The following TPST1 variants were observed in gnomAD, a reference collection of about 807,000 sequenced individuals.
TPST1 encodes tyrosylprotein sulfotransferase 1.
A neutral mutation model predicts 34.8 loss-of-function variants in TPST1; 20 were observed. The ratio of observed to expected loss-of-function variants is 0.57; its 90% CI spans 0.40 to 0.84. TPST1 has a LOEUF of 0.84. Among genes scored for constraint, TPST1 ranks in the 40% least tolerant of loss-of-function variants. TPST1 has a pLI of 0.00. For synonymous variants in TPST1, 152 were observed against 159.4 expected (o/e 0.95, Z 0.35); for missense variants, 353 against 455.5 (o/e 0.78, Z 2.05).
At chr7:66,312,906 AGCATGGATCAAAT>A (rs1279541707) in intron 3 of TPST1, among the ~76,000 whole-genome samples, 2 of 152,200 alleles carry the variant, frequency 1.3e-5, no homozygotes, top group Non-Finnish European at 2.9e-5. Flanking sequence ...GTGGAACAAA[AGCATGGATCAAAT>A]GTGTCATTGT....
At chr7:66,320,448 C>T (rs1791731320) in intron 3 of TPST1, among the ~76,000 whole-genome samples, 2 of 151,358 alleles carry the variant, frequency 1.3e-5, no homozygotes, top group Non-Finnish European at 3.0e-5. Context: ...GGGGTTTCAC[C>T]ATGTTAGCCA....
At chr7:66,215,626 G>A (rs554927035) in intron 1 of TPST1, among the ~76,000 whole-genome samples, 2 of 151,694 alleles carry the variant, frequency 1.3e-5, no homozygotes, top group African/African-American at 2.4e-5. Flanking sequence ...CGCCCGCGTC[G>A]GCCTCCAAAG....
At chr7:66,250,230 C>G (rs564263135) in intron 2 of TPST1, among the ~76,000 whole-genome samples, 1 of 152,244 alleles carries the variant, frequency 6.6e-6, no homozygotes, top group South Asian at 2.1e-4. Context: ...CCATAGGTGC[C>G]TTAAACATCT....
At chr7:66,352,415 A>T in intron 3 of TPST1, 90 bp from the exon 4 acceptor site, 1 of 1,548,244 alleles carries the variant, frequency 6.5e-7, no homozygotes, top group Non-Finnish European at 8.7e-7. Context: ...GTGGAGCAGT[A>T]AACCCGGCCA....
intron 1 of TPST1, among the ~76,000 whole-genome samples, chr7:66,236,771 C>A (rs1789920609): frequency 6.6e-6 from 1 of 152,162 alleles, no homozygotes; most frequent in African/African-American, 2.4e-5. Flanking sequence ...ATATAAATTA[C>A]ACTTCAATAA....
chr7:66,243,610 A>ATTTTTTTTTTTTTT (rs10627680), intron 2 of TPST1, among the ~76,000 whole-genome samples: 2 of 123,376 alleles, frequency 1.6e-5, no homozygotes. Flanking sequence ...TGCCCAGCTA[A>ATTTTTTTTTTTTTT]TTTTTTTTTT....
intron 3 of TPST1, among the ~76,000 whole-genome samples, chr7:66,293,597 G>A (rs1791132169): frequency 6.6e-6 from 1 of 152,152 alleles, no homozygotes; most frequent in Non-Finnish European, 1.5e-5. Context: ...GGCTCGTTGG[G>A]GATAGTTCTT....
intron 2 of TPST1, among the ~76,000 whole-genome samples, chr7:66,250,239 C>G (rs1219536391): frequency 6.6e-6 from 1 of 152,122 alleles, no homozygotes; most frequent in Non-Finnish European, 1.5e-5. Context: ...CCTTAAACAT[C>G]TTAATTTTAT....
At chr7:66,338,851 TAA>T (rs1454320076) in intron 3 of TPST1, among the ~76,000 whole-genome samples, 2 of 151,846 alleles carry the variant, frequency 1.3e-5, no homozygotes, top group African/African-American at 4.8e-5. Context: ...ATCAAAAAAG[TAA>T]AAAGACTTCA....
At chr7:66,282,726 G>T (rs1209959283) in intron 2 of TPST1, among the ~76,000 whole-genome samples, 6 of 152,204 alleles carry the variant, frequency 3.9e-5, no homozygotes, top group Admixed American at 2.6e-4. Flanking sequence ...AGGCAACTCT[G>T]AGAGTTTCAA....
At chr7:66,337,325 T>TTA (rs1303468022) in intron 3 of TPST1, among the ~76,000 whole-genome samples, 2 of 134,570 alleles carry the variant, frequency 1.5e-5, no homozygotes, top group East Asian at 2.2e-4. Context: ...TTTTTTTTTT[T>TTA]AAGACAGAGC....
At chr7:66,261,222 C>T (rs913398433) in intron 2 of TPST1, among the ~76,000 whole-genome samples, 1 of 138,418 alleles carries the variant, frequency 7.2e-6, no homozygotes, top group Non-Finnish European at 1.5e-5. Flanking sequence ...TGTTGTGCAA[C>T]GTATATTGTC....
In TPST1 at chr7:66,241,331, A is replaced by G. The variant is rs1188545947; in HGVS notation, c.845+61A>G. ...ATTTAGCTAATAATGATCTATACAT[A>G]TGTATGTATGTGTTTTATGTATATA... On this transcript the variant is annotated intron_variant, in intron 2 of 5. Transcript: ENST00000304842. 2.0e-6 allele frequency: 3 copies of G among 1,525,438 alleles called. No homozygotes were observed. The African/African-American group carries it at 4.2e-5, about 21-fold the overall frequency. 94.5% of individuals were successfully genotyped at this position (1,525,438 alleles called of 1,614,324 possible).
chr7:66,309,270 G>T (rs906909762), intron 3 of TPST1, among the ~76,000 whole-genome samples: 1 of 152,176 alleles, frequency 6.6e-6, no homozygotes, highest in African/African-American at 2.4e-5. Flanking sequence ...AGCCACTGAT[G>T]GATCCAGGTT....
In TPST1 at chr7:66,240,561, A is replaced by T. The variant is rs1363018148; in HGVS notation, c.136A>T (p.Ser46Cys). 2 of 1,614,054 alleles carry T rather than the reference A, an allele frequency of 1.2e-6. No individual in the cohort carries two copies. The highest frequency in any genetic ancestry group is 1.7e-6 in the Non-Finnish European group (2 of 1,180,036). ...EERSQPVKLE[S>C]TRTTVRTGLD... ...ACGTAGCCAGCCAGTCAAATTGGAG[A>T]GCACAAGGACCACTGTGAGAACTGG... Residue 46 changes from serine (S) to cysteine (C), a missense_variant, in exon 2 of 6, where the codon AGC (serine) becomes TGC (cysteine). By Grantham distance (112) the Ser-to-Cys change is moderately radical. Transcript: ENST00000304842.
At chr7:66,330,850 A>C (rs1791982513) in intron 3 of TPST1, among the ~76,000 whole-genome samples, 1 of 152,228 alleles carries the variant, frequency 6.6e-6, no homozygotes, top group Admixed American at 6.5e-5. Context: ...CTGATACCAA[A>C]ATCTGTATGA....
At chr7:66,305,015 C>T (rs1330701333) in intron 3 of TPST1, among the ~76,000 whole-genome samples, 2 of 151,958 alleles carry the variant, frequency 1.3e-5, no homozygotes, top group Non-Finnish European at 2.9e-5. Context: ...CAAGAGGTAT[C>T]ACTGTGTTGC....
Position 66,240,410 on chromosome 7 carries a change from A to G in TPST1, c.-16A>G, listed in dbSNP as rs1346350304. ...TGAGCAAAATATCTGTTTAATAACA[A>G]GATAACCACATCAAGATGGTTGGAA... On this transcript the variant is annotated 5_prime_UTR_variant, in exon 2 of 6. Coordinates refer to ENST00000304842, the MANE Select transcript of TPST1 (RefSeq NM_003596.4). 1 of 1,608,934 alleles carries G rather than the reference A, an allele frequency of 6.2e-7. No individual in the cohort carries two copies. The highest frequency in any genetic ancestry group is 1.7e-5 in the Admixed American group (1 of 59,574).
intron 1 of TPST1, among the ~76,000 whole-genome samples, chr7:66,215,080 G>C (rs1789363079): frequency 6.8e-6 from 1 of 146,388 alleles, no homozygotes; most frequent in African/African-American, 2.5e-5. Context: ...TTTTGAGATG[G>C]AGTCTCTCTC....
Sources: gnomAD v4.1 joint callset for allele counts (sites outside exome capture counted in the v4.1 genomes callset) on GRCh38, gnomAD v4.1.1 for gene constraint, MANE v1.5 for transcripts, NCBI Gene and HGNC (gene_info 2026-07-23, HGNC 2026-07-21) for gene names.